EDC3: variants seen among roughly 807,000 people sequenced by gnomAD.
EDC3 encodes the protein enhancer of mRNA-decapping protein 3.
A neutral mutation model predicts 41.8 loss-of-function variants in EDC3; 20 were observed. The ratio of observed to expected loss-of-function variants is 0.48; its 90% CI spans 0.34 to 0.70. The LOEUF is 0.70. Among genes scored for constraint, EDC3 ranks in the 30% least tolerant of loss-of-function variants. The pLI, the probability that EDC3 is intolerant of heterozygous loss-of-function variation, is 0.01. For synonymous variants in EDC3, 206 were observed against 243.2 expected, an observed-to-expected ratio of 0.85 and a Z score of 1.42; for missense variants, 444 against 636.8, an observed-to-expected ratio of 0.70 and a Z score of 3.26.
intron 5 of EDC3, 100 bp downstream of exon 5, chr15:74,640,366 G>T: frequency 1.5e-6 from 2 of 1,341,064 alleles, no homozygotes; most frequent in Non-Finnish European, 2.1e-6. Context: ...AGCAGAAACT[G>T]CCTAATGAAC....
At chr15:74,673,769 G>A (rs2062768512) in intron 2 of EDC3, among the ~76,000 whole-genome samples, 1 of 150,778 alleles carries the variant, frequency 6.6e-6, no homozygotes, top group African/African-American at 2.4e-5. Context: ...GAACCCGGGA[G>A]ATGGAGTTTG....
At chr15:74,656,826 T>G (rs1451847755) in intron 3 of EDC3, among the ~76,000 whole-genome samples, 1 of 152,078 alleles carries the variant, frequency 6.6e-6, no homozygotes, top group Non-Finnish European at 1.5e-5. Flanking sequence ...TCAGCAGAGA[T>G]GAGAAACAGC....
Position 74,675,086 on chromosome 15 carries a change from A to T in EDC3, c.39T>A (p.Asn13Lys), listed in dbSNP as rs2062787178. The change falls in exon 2 of 7, where the codon AAT becomes AAA. Residue 13 changes from asparagine (N) to lysine (K), a missense_variant. Physicochemically the swap from Asn to Lys is moderately conservative, Grantham distance 94. This residue lies in a region of EDC3 where 200 missense variants were observed against 244.0 expected (regional missense o/e 0.82). Transcript: ENST00000315127. ...TDWLGSIVSI[N>K]CGDSLGVYQG... is the part of the protein sequence containing the mutation. ...GATAGACACCCAAGCTATCTCCACA[A>T]TTGATGGACACAATACTTCCCAGCC... 1.9e-6 allele frequency: 3 copies of T among 1,613,816 alleles called. No individual in the cohort carries two copies. Among genetic ancestry groups the T allele is most frequent in the Non-Finnish European group, 2.5e-6 (3 of 1,180,024 alleles).
chr15:74,632,267 C>A lies in EDC3; in HGVS notation c.*345G>T. 3.0e-6 allele frequency: 1 copy of A among 333,120 alleles called. No individual in the cohort carries two copies. Among genetic ancestry groups the A allele is most frequent in the East Asian group, 6.4e-5 (1 of 15,578 alleles). The allele number at this position is 333,120 out of a possible 1,614,324, so 20.6% of individuals were successfully genotyped here. On this transcript the variant is annotated 3_prime_UTR_variant, in exon 7 of 7. Transcript: ENST00000315127. This position sits in a 1 kb window ranked among gnomAD's most constrained non-coding sequence, Gnocchi z 4.0. The stretch of plus-strand genomic sequence containing the variant: ...GCCCCCAGACAGGACCTGGCCCACT[C>A]TTCAATGTGTGTGCCCAGGCCCAGT...
intron 3 of EDC3, among the ~76,000 whole-genome samples, chr15:74,670,302 T>C (rs913742104): frequency 6.6e-6 from 1 of 152,204 alleles, no homozygotes; most frequent in African/African-American, 2.4e-5. Context: ...TTCCAGTGAA[T>C]GTTATGATTC....
chr15:74,640,271 A>T, intron 5 of EDC3, 195 bp downstream of exon 5: 1 of 586,972 alleles, frequency 1.7e-6, no homozygotes, highest in Non-Finnish European at 2.9e-6. Flanking sequence ...AATAATGAGG[A>T]CATCTAGGAG....
rs2062261301 is a variant in EDC3 at position 74,635,461 on chromosome 15, A to G, written c.1140T>C (p.Asn380=). The G allele has an allele frequency of 5.0e-6, 8 of 1,614,234 alleles. No individual in the cohort carries two copies. Among genetic ancestry groups the G allele is most frequent in the Non-Finnish European group, 6.8e-6 (8 of 1,180,040 alleles). Residue 380 remains asparagine (N), a synonymous_variant, in exon 6 of 7, where the codon AAT becomes AAC. Transcript: ENST00000315127. ...NFVKMLESIT[N]ELSLFSKTQG... is the part of the protein sequence containing the mutation. ...GGGTCTTGCTGAAGAGCGACAGCTC[A>G]TTGGTGATAGATTCCAACATCTTGA...
intron 5 of EDC3, chr15:74,636,235 T>A (rs2062271303): frequency 6.5e-6 from 1 of 155,018 alleles, no homozygotes; most frequent in African/African-American, 2.4e-5. Flanking sequence ...TTTACTGAGC[T>A]TAGTAGCTTA....
intron 2 of EDC3, among the ~76,000 whole-genome samples, chr15:74,672,804 G>T (rs2062754438): frequency 6.6e-6 from 1 of 151,474 alleles, no homozygotes; most frequent in African/African-American, 2.4e-5. Flanking sequence ...AACAAAGTGA[G>T]ACTCTGTCTC....
chr15:74,658,624 GAAAAAAAAAAA>G lies in EDC3; in HGVS notation c.485-2567_485-2557del, dbSNP rs60193835. Among the ~76,000 whole-genome samples, 97 of 39,042 alleles carry G rather than the reference GAAAAAAAAAAA, an allele frequency of 2.5e-3. 1 individual carries two copies. The highest frequency in any genetic ancestry group is 6.4e-3 in the South Asian group (7 of 1,092). 25.6% of individuals were successfully genotyped at this position (39,042 alleles called of 152,430 possible). On this transcript the variant is annotated intron_variant, in intron 3 of 6. Coordinates refer to ENST00000315127, the MANE Select transcript of EDC3 (RefSeq NM_025083.5). Reference sequence around the variant, plus strand: ...CAGTGAAGATGCAATTTACGTCTCTGAAAAAAAAAAAAAAAAAAAAAAAAAAAAAACCAAGG... The same window carrying G: ...CAGTGAAGATGCAATTTACGTCTCTGAAAAAAAAAAAAAAAAAAACCAAGG...
At chr15:74,645,336 A>G (rs1007149459) in intron 4 of EDC3, 3 of 152,110 alleles carry the variant, frequency 2.0e-5, no homozygotes, top group African/African-American at 7.2e-5. Context: ...AGCAATATAT[A>G]TCACACTGAA....
intron 1 of EDC3, among the ~76,000 whole-genome samples, chr15:74,691,803 T>C (rs1433137051): frequency 6.6e-6 from 1 of 152,200 alleles, no homozygotes; most frequent in Non-Finnish European, 1.5e-5. Context: ...GCATATTATC[T>C]ACGGCTATTT....
Position 74,632,460 on chromosome 15 carries a change from C to T in EDC3, c.*152G>A. The T allele has an allele frequency of 1.1e-6, 1 of 927,706 alleles. No homozygotes were observed. Among genetic ancestry groups the T allele is most frequent in the Non-Finnish European group, 1.6e-6 (1 of 632,580 alleles). 57.5% of individuals were successfully genotyped at this position (927,706 alleles called of 1,614,324 possible). ...GACTTCCCTGGCTAAGAGCAAGTGA[C>T]AGGTCAGTTTTAAGTAAGTTCTGTT... On this transcript the variant is annotated 3_prime_UTR_variant, in exon 7 of 7. Transcript: ENST00000315127. This position sits in a 1 kb window ranked among gnomAD's most constrained non-coding sequence, Gnocchi z 4.0.
intron 3 of EDC3, among the ~76,000 whole-genome samples, chr15:74,670,708 G>A (rs1035166626): frequency 3.9e-5 from 6 of 152,222 alleles, no homozygotes; most frequent in Admixed American, 3.9e-4. Flanking sequence ...AGGATTACAG[G>A]TGTGAGCCAC....
chr15:74,692,450 A>G (rs1298804416), intron 1 of EDC3, among the ~76,000 whole-genome samples: 2 of 152,218 alleles, frequency 1.3e-5, no homozygotes, highest in Admixed American at 6.5e-5. Flanking sequence ...AATAATACCA[A>G]TCCTACACAA....
At chr15:74,643,611 T>C (rs1276197201) in intron 4 of EDC3, 2 of 152,266 alleles carry the variant, frequency 1.3e-5, no homozygotes, top group African/African-American at 4.8e-5. Flanking sequence ...GGTCATCACT[T>C]TGGCACTGCT....
intron 4 of EDC3, chr15:74,643,328 G>C (rs1244845206): frequency 3.3e-5 from 5 of 152,176 alleles, no homozygotes; most frequent in Non-Finnish European, 5.9e-5. Flanking sequence ...AGTTGGTAGG[G>C]TTTCTTTGAG....
At position 74,655,793 on chromosome 15, in the gene EDC3, C is replaced by G. The variant is rs776787766; in HGVS notation, c.760G>C (p.Glu254Gln). 6.2e-7 allele frequency: 1 copy of G among 1,614,016 alleles called. No individual in the cohort carries two copies. Residue 254 changes from glutamate to glutamine, a missense_variant, in exon 4 of 7, where the codon GAG (glutamate) becomes CAG (glutamine). Physicochemically the swap from Glu to Gln is conservative, Grantham distance 29 (BLOSUM62 2). Around this residue, in one of 3 missense-constraint regions of EDC3, gnomAD observed 242 missense variants for 363.8 expected, o/e 0.67. Coordinates refer to ENST00000315127, the MANE Select transcript of EDC3 (RefSeq NM_025083.5). The part of the protein sequence containing the change: ...YRHDENILES[E>Q]PIVYRRIIVP... ...ATGATCCGTCGATAGACAATGGGCT[C>G]GGACTCCAAGATGTTCTCATCATGG...
chr15:74,694,051 C>G (rs567276877), intron 1 of EDC3, among the ~76,000 whole-genome samples: 48 of 152,002 alleles, frequency 3.2e-4, no homozygotes, highest in Admixed American at 1.2e-3. Flanking sequence ...ATTATGGTCA[C>G]TACACTCCTT....
Sources: allele counts gnomAD v4.1 joint callset (sites outside exome capture counted in the v4.1 genomes callset), GRCh38; gene constraint gnomAD v4.1.1; regional missense constraint gnomAD v4.1.1; non-coding constraint Gnocchi (gnomAD v3.1); transcripts MANE v1.5; gene names NCBI Gene and HGNC (gene_info 2026-07-23, HGNC 2026-07-21).